The following CDH4 variants were observed in gnomAD, a reference collection of about 807,000 sequenced individuals.
The protein encoded by CDH4 is cadherin 4.
A neutral mutation model predicts 86.0 loss-of-function variants in CDH4; 33 were observed. The ratio of observed to expected loss-of-function variants is 0.38; its 90% confidence interval spans 0.29 to 0.51. CDH4 has a LOEUF of 0.51. Among genes scored for constraint, CDH4 ranks in the 20% least tolerant of loss-of-function variants. CDH4 has a pLI of 0.86. For missense variants in CDH4, 1,114 were observed against 1,307.4 expected, an observed-to-expected ratio of 0.85 and a Z score of 2.28; for synonymous variants, 555 against 549.4, an observed-to-expected ratio of 1.01 and a Z score of -0.14.
chr20:61,315,800 C>T (rs1271912492), intron 2 of CDH4, among the ~76,000 whole-genome samples: 3 of 152,208 alleles, frequency 2.0e-5, no homozygotes, highest in African/African-American at 7.2e-5. Context: ...AACTCATGGT[C>T]TCAAGCAATC....
intron 2 of CDH4, among the ~76,000 whole-genome samples, chr20:61,296,527 C>A (rs1438613084): frequency 6.6e-6 from 1 of 151,762 alleles, no homozygotes; most frequent in Non-Finnish European, 1.5e-5. Flanking sequence ...ACCCCCCAAA[C>A]CCTCCCTCCC....
chr20:61,281,691 T>TG (rs974457553), intron 2 of CDH4, among the ~76,000 whole-genome samples: 33 of 152,134 alleles, frequency 2.2e-4, no homozygotes, highest in Non-Finnish European at 4.3e-4. Flanking sequence ...TCCTCAGTGT[T>TG]GGGGGGCAAG....
chr20:61,271,220 T>C (rs755184261), intron 2 of CDH4, among the ~76,000 whole-genome samples: 27 of 152,148 alleles, frequency 1.8e-4, no homozygotes, highest in Non-Finnish European at 3.4e-4. Flanking sequence ...TCTACCCCCA[T>C]GGCCCCATCT....
At chr20:61,370,606 C>T (rs1247394717) in intron 2 of CDH4, 1 of 152,188 alleles carries the variant, frequency 6.6e-6, no homozygotes, top group Non-Finnish European at 1.5e-5. Context: ...TTTTGACATG[C>T]CTGCATTAAG....
chr20:61,913,309 C>T (rs1034844005), intron 9 of CDH4, among the ~76,000 whole-genome samples: 3 of 152,240 alleles, frequency 2.0e-5, no homozygotes, highest in Admixed American at 1.3e-4. Context: ...CCTAAGGACT[C>T]CAGGGAAGGT....
chr20:61,797,190 T>G (rs1305671654), intron 4 of CDH4, among the ~76,000 whole-genome samples: 1 of 151,744 alleles, frequency 6.6e-6, no homozygotes, highest in Non-Finnish European at 1.5e-5. Context: ...GCTCACACCA[T>G]CCACTGCCCA....
chr20:61,253,255 GC>G (rs2084075461), intron 1 of CDH4, among the ~76,000 whole-genome samples: 1 of 151,088 alleles, frequency 6.6e-6, no homozygotes, highest in Admixed American at 6.6e-5. Flanking sequence ...GAAGCCGGAC[GC>G]CGGGCGGGCG....
chr20:61,357,868 A>T (rs899106794), intron 2 of CDH4, among the ~76,000 whole-genome samples: 3 of 152,192 alleles, frequency 2.0e-5, no homozygotes, highest in Non-Finnish European at 4.4e-5. Context: ...AAGGGCAGGA[A>T]CAACGATTCT....
rs575495840 is a variant in CDH4 at position 61,516,039 on chromosome 20, C to T, written c.170-227524C>T. ...CATCTTCCCCTGGGCTCTGGAACGCCCCCCCAATACGATTCCACCGCAGGC... is the reference window on the plus strand; with the variant it reads ...CATCTTCCCCTGGGCTCTGGAACGCTCCCCCAATACGATTCCACCGCAGGC... On this transcript the variant is annotated intron_variant, in intron 2 of 15. Transcript: ENST00000614565. This position sits in a 1 kb window ranked among gnomAD's most constrained non-coding sequence, Gnocchi z 4.0. Among the ~76,000 whole-genome samples the T allele has an allele frequency of 6.6e-6, 1 of 152,106 alleles. No individual in the cohort carries two copies. Among genetic ancestry groups the T allele is most frequent in the Non-Finnish European group, 1.5e-5 (1 of 68,024 alleles).
chr20:61,511,467 T>C (rs1205967971), intron 2 of CDH4, among the ~76,000 whole-genome samples: 1 of 152,236 alleles, frequency 6.6e-6, no homozygotes, highest in Non-Finnish European at 1.5e-5. Context: ...AGCAAACTGC[T>C]GAGGCTAAAC....
intron 4 of CDH4, among the ~76,000 whole-genome samples, chr20:61,792,950 A>G (rs929598180): frequency 9.4e-5 from 13 of 138,960 alleles, no homozygotes; most frequent in Middle Eastern, 3.3e-3. Flanking sequence ...TGCCTGGCCT[A>G]TGTGTTTTTT....
chr20:61,325,406 T>C (rs2084531551), intron 2 of CDH4, among the ~76,000 whole-genome samples: 1 of 152,112 alleles, frequency 6.6e-6, no homozygotes, highest in South Asian at 2.1e-4. Context: ...TACCTGTAGA[T>C]AGTAGGGCCT....
intron 4 of CDH4, among the ~76,000 whole-genome samples, chr20:61,776,998 G>A (rs1382171565): frequency 6.6e-6 from 1 of 152,198 alleles, no homozygotes; most frequent in African/African-American, 2.4e-5. Flanking sequence ...TGAACCCACT[G>A]TCCCAAGGAG....
chr20:61,261,551 G>A (rs1259772430), intron 2 of CDH4, among the ~76,000 whole-genome samples: 1 of 152,166 alleles, frequency 6.6e-6, no homozygotes, highest in African/African-American at 2.4e-5. Flanking sequence ...TCATTTTATG[G>A]ATCAGTAACT....
At chr20:61,508,437 G>A (rs1356660463) in intron 2 of CDH4, among the ~76,000 whole-genome samples, 4 of 152,152 alleles carry the variant, frequency 2.6e-5, no homozygotes, top group Non-Finnish European at 5.9e-5. Context: ...TGTTGCGGTC[G>A]GCCCTGAGCT....
intron 2 of CDH4, among the ~76,000 whole-genome samples, chr20:61,428,078 A>G (rs966224831): frequency 2.9e-4 from 44 of 152,172 alleles, no homozygotes; most frequent in African/African-American, 9.4e-4. Flanking sequence ...TCCGAGTCAT[A>G]GACAGAGACC....
chr20:61,323,004 C>T (rs2123245350), intron 2 of CDH4, among the ~76,000 whole-genome samples: 1 of 152,300 alleles, frequency 6.6e-6, no homozygotes, highest in Non-Finnish European at 1.5e-5. Context: ...TGTCATTTCA[C>T]AGGTGCAGAG....
chr20:61,765,980 T>C (rs2088694000), intron 3 of CDH4, among the ~76,000 whole-genome samples: 1 of 152,022 alleles, frequency 6.6e-6, no homozygotes, highest in African/African-American at 2.4e-5. Flanking sequence ...CCCGCGCCTC[T>C]GGGATTGGCT....
At chr20:61,643,132 G>A (rs1467615949) in intron 2 of CDH4, among the ~76,000 whole-genome samples, 1 of 152,202 alleles carries the variant, frequency 6.6e-6, no homozygotes, top group African/African-American at 2.4e-5. Context: ...TCCAAGACCA[G>A]GCAGATGCAT....
Sources: allele counts gnomAD v4.1 joint callset (sites outside exome capture counted in the v4.1 genomes callset), GRCh38; gene constraint gnomAD v4.1.1; non-coding constraint Gnocchi (gnomAD v3.1); transcripts MANE v1.5; gene names NCBI Gene and HGNC (gene_info 2026-07-23, HGNC 2026-07-21).